The following RBFOX3 variants were observed in gnomAD, a reference collection of about 807,000 sequenced individuals.
RBFOX3 encodes RNA binding fox-1 homolog 3.
RBFOX3 carries 17 observed loss-of-function variants against 48.7 expected under a neutral mutation model. The observed-to-expected ratio is 0.35, with a 90% confidence interval of 0.24 to 0.52. RBFOX3 has a LOEUF of 0.52. Among genes scored for constraint, RBFOX3 ranks in the 20% least tolerant of loss-of-function variants. RBFOX3 has a pLI of 0.94. For missense variants in RBFOX3, 382 were observed against 497.5 expected, an observed-to-expected ratio of 0.77 and a Z score of 2.21; for synonymous variants, 212 against 209.5, an observed-to-expected ratio of 1.01 and a Z score of -0.10.
chr17:79,154,186 G>A (rs571551164), intron 4 of RBFOX3, among the ~76,000 whole-genome samples: 281 of 142,080 alleles, frequency 2.0e-3, no homozygotes, highest in African/African-American at 7.0e-3. Flanking sequence ...TCAGTTCTTC[G>A]AACACGCTAA....
At chr17:79,248,708 T>G (rs1398002128) in intron 3 of RBFOX3, among the ~76,000 whole-genome samples, 3 of 152,130 alleles carry the variant, frequency 2.0e-5, no homozygotes, top group African/African-American at 7.2e-5. Flanking sequence ...CACAACCCTA[T>G]CGGGGGGTGC....
At chr17:79,119,856 C>G (rs6501282) in intron 4 of RBFOX3, among the ~76,000 whole-genome samples, 5,422 of 152,230 alleles carry the variant, frequency 0.036, 124 homozygotes, top group African/African-American at 0.077. Context: ...ACACCTGGGC[C>G]GCACTCCTGA....
chr17:79,097,296 C>G lies in RBFOX3; in HGVS notation c.751G>C (p.Gly251Arg). The change falls in exon 11 of 15, where the codon GGA becomes CGA. Residue 251 changes from glycine to arginine, a missense_variant. This residue lies in a region of RBFOX3 where 215 missense variants were observed against 254.8 expected (regional missense o/e 0.84). Transcript: ENST00000693108. ...TCCCCCGGCCCAGGTACTCACGCTC[C>G]GTAAGTCGGGATGGGGGGTGGGGGT... The part of the protein sequence containing the change: ...APPPPPIPTY[G>R]AALEQTLVKM... 6.5e-7 allele frequency: 1 copy of G among 1,542,988 alleles called. No homozygotes were observed. Among genetic ancestry groups the G allele is most frequent in the Non-Finnish European group, 8.8e-7 (1 of 1,142,534 alleles).
At chr17:79,374,239 C>G (rs115928974) in intron 2 of RBFOX3, among the ~76,000 whole-genome samples, 5 of 152,070 alleles carry the variant, frequency 3.3e-5, no homozygotes, top group African/African-American at 1.2e-4. Context: ...GAGGGGCTGA[C>G]GAGGAGAGTG....
At chr17:79,564,337 C>A (rs1424035834) in intron 1 of RBFOX3, among the ~76,000 whole-genome samples, 1 of 152,168 alleles carries the variant, frequency 6.6e-6, no homozygotes, top group Non-Finnish European at 1.5e-5. Flanking sequence ...GGGAAGAAAA[C>A]CAGGAGCTGG....
At position 79,468,160 on chromosome 17, in the gene RBFOX3, C is replaced by T. The variant is rs868909507; in HGVS notation, c.-175+14294G>A. 7.7e-3 allele frequency among the ~76,000 whole-genome samples: 1,168 copies of T among 152,276 alleles called. 17 individuals are homozygous for T. Among genetic ancestry groups the T allele is most frequent in the African/African-American group, 0.026 (1,090 of 41,538 alleles). On this transcript the variant is annotated intron_variant, in intron 2 of 14. Transcript: ENST00000693108. Reference sequence around the variant, plus strand: ...TGCCCTTCCCACCCTGAACCCCACACGCTAAGACCAAAGGAGGATGAAGTT... The same window carrying T: ...TGCCCTTCCCACCCTGAACCCCACATGCTAAGACCAAAGGAGGATGAAGTT...
chr17:79,105,312 G>T (rs1057078818), intron 6 of RBFOX3, among the ~76,000 whole-genome samples: 1 of 152,208 alleles, frequency 6.6e-6, no homozygotes. Context: ...AGTTGATGGC[G>T]GATGGTGCCC....
At chr17:79,620,581 GCACGCACACA>G in the RBFOX3 span, among the ~76,000 whole-genome samples, 1,795 of 74,552 alleles carry the variant, frequency 0.024, 37 homozygotes, top group Middle Eastern at 0.062. Context: ...GTGCACACAC[GCACGCACACA>G]CACGCACGCA....
intron 1 of RBFOX3, among the ~76,000 whole-genome samples, chr17:79,544,975 C>CAAAAAAAAA (rs10584963): frequency 2.4e-5 from 2 of 81,638 alleles, no homozygotes; most frequent in Non-Finnish European, 2.5e-5. Flanking sequence ...TCATTAAGGG[C>CAAAAAAAAA]AAAAAAAAAA....
chr17:79,287,288 C>T (rs2072161194), intron 3 of RBFOX3, among the ~76,000 whole-genome samples: 1 of 152,244 alleles, frequency 6.6e-6, no homozygotes, highest in Admixed American at 6.5e-5. Context: ...ACTTGGAAAG[C>T]ACCAATCTTC....
the RBFOX3 span, among the ~76,000 whole-genome samples, chr17:79,632,597 C>A: frequency 3.3e-5 from 5 of 152,100 alleles, no homozygotes; most frequent in African/African-American, 4.8e-5. Context: ...CTGGCATGCA[C>A]GAGTCCCCGG....
chr17:79,307,002 T>C lies in RBFOX3; in HGVS notation c.-74+722A>G, dbSNP rs953272092. Among the ~76,000 whole-genome samples the C allele has an allele frequency of 5.9e-5, 9 of 152,344 alleles. 1 individual carries two copies. The South Asian group carries it at 1.9e-3, about 32-fold the overall frequency. On this transcript the variant is annotated intron_variant, in intron 3 of 14. Transcript: ENST00000693108. ...GATATTTATTAACCCACTTTCTCTC[T>C]TGGCACTCGGAGCAAGGAGGGAAAC...
chr17:79,397,693 T>C (rs2062198483), intron 2 of RBFOX3, among the ~76,000 whole-genome samples: 1 of 151,418 alleles, frequency 6.6e-6, no homozygotes, highest in Non-Finnish European at 1.5e-5. Flanking sequence ...CATGGTCCAA[T>C]GGCTGAGATA....
intron 2 of RBFOX3, among the ~76,000 whole-genome samples, chr17:79,378,337 C>T (rs1363886043): frequency 6.6e-6 from 1 of 152,220 alleles, no homozygotes; most frequent in African/African-American, 2.4e-5. Context: ...TTTCTGGAGC[C>T]TGGACTAGCT....
chr17:79,407,209 T>C (rs767184495), intron 2 of RBFOX3, among the ~76,000 whole-genome samples: 3 of 152,240 alleles, frequency 2.0e-5, no homozygotes, highest in African/African-American at 4.8e-5. Context: ...GGTTTTGCCA[T>C]GTTGGCCAGG....
chr17:79,093,838 ACGCCGCGCACCTCCCCGCCC>A (rs1686875680), intron 14 of RBFOX3, among the ~76,000 whole-genome samples: 2 of 143,994 alleles, frequency 1.4e-5, no homozygotes, highest in Admixed American at 1.4e-4. Context: ...GAGACACGCC[ACGCCGCGCACCTCCCCGCCC>A]CGCCCCTTCC....
At chr17:79,613,042 G>A (rs1002091100), upstream of RBFOX3, among the ~76,000 whole-genome samples, 1,502 of 152,340 alleles carry the variant, frequency 9.9e-3, 27 homozygotes, top group African/African-American at 0.034. Flanking sequence ...CTCCCCATGC[G>A]AGTTCTGCAT....
Position 79,188,791 on chromosome 17 carries a change from C to A in RBFOX3, c.-34+46975G>T, listed in dbSNP as rs574011699. On this transcript the variant is annotated intron_variant, in intron 4 of 14. Transcript: ENST00000693108. The stretch of plus-strand genomic sequence containing the variant: ...ACCGAGCAAAAGGAACATCTGAAAG[C>A]AGCCAGCACTGTGATGTTCCACCCC... Among the ~76,000 whole-genome samples, 1,060 of 152,368 alleles carry A rather than the reference C, an allele frequency of 7.0e-3. 20 individuals are homozygous for A. The highest frequency in any genetic ancestry group is 0.024 in the African/African-American group (978 of 41,588).
chr17:79,424,442 G>A (rs1430457759), intron 2 of RBFOX3, among the ~76,000 whole-genome samples: 10 of 152,088 alleles, frequency 6.6e-5, no homozygotes, highest in South Asian at 2.1e-4. Flanking sequence ...AGGTCCCTCC[G>A]CTCCCCCCGC....
Sources: gnomAD v4.1 joint callset for allele counts (sites outside exome capture counted in the v4.1 genomes callset) on GRCh38, gnomAD v4.1.1 for gene constraint, gnomAD v4.1.1 regional missense constraint, MANE v1.5 for transcripts, NCBI Gene and HGNC (gene_info 2026-07-23, HGNC 2026-07-21) for gene names.